PHACTR1: variants seen among roughly 807,000 people sequenced by gnomAD.
PHACTR1 encodes the protein phosphatase and actin regulator 1.
A neutral mutation model predicts 69.2 loss-of-function variants in PHACTR1; 16 were observed. The ratio of observed to expected loss-of-function variants is 0.23; its 90% CI spans 0.16 to 0.35. The LOEUF is 0.35. Ranked by LOEUF, PHACTR1 falls within the 10% of genes least tolerant of loss-of-function variation. PHACTR1 has a pLI of 1.00. For missense variants in PHACTR1, 510 were observed against 734.7 expected, an observed-to-expected ratio of 0.69 and a Z score of 3.54; for synonymous variants, 312 against 284.5, an observed-to-expected ratio of 1.10 and a Z score of -0.97.
intron 8 of PHACTR1, among the ~76,000 whole-genome samples, chr6:13,221,089 G>T (rs1309001234): frequency 1.3e-5 from 2 of 152,190 alleles, no homozygotes; most frequent in African/African-American, 4.8e-5. Flanking sequence ...TGAGATTTGA[G>T]TCATCCCTGA....
intron 4 of PHACTR1, among the ~76,000 whole-genome samples, chr6:13,053,016 C>CT (rs11370468): frequency 0.012 from 1,875 of 152,248 alleles, 36 homozygotes; most frequent in African/African-American, 0.043. Flanking sequence ...GAGAAATTGC[C>CT]GGACCAGTAG....
At position 13,125,272 on chromosome 6, in the gene PHACTR1, G is replaced by A. The variant is rs145318159; in HGVS notation, c.416-34932G>A. 1.6e-3 allele frequency among the ~76,000 whole-genome samples: 250 copies of A among 152,260 alleles called. 2 individuals carry two copies. The highest frequency in any genetic ancestry group is 3.0e-3 in the Non-Finnish European group (206 of 68,014). On this transcript the variant is annotated intron_variant, in intron 5 of 14. Coordinates refer to ENST00000332995, the MANE Select transcript of PHACTR1 (RefSeq NM_030948.6). ...GGCAGTCTTAGATGGTTTTAGAAGG[G>A]ATTTTTCCTGAAAATTCTCAAATAT...
chr6:13,126,182 T>C (rs1819510600), intron 5 of PHACTR1, among the ~76,000 whole-genome samples: 1 of 152,214 alleles, frequency 6.6e-6, no homozygotes, highest in South Asian at 2.1e-4. Context: ...TGAGTGTGTG[T>C]AAATTAGAAT....
intron 3 of PHACTR1, among the ~76,000 whole-genome samples, chr6:12,733,441 G>A (rs1228053029): frequency 1.3e-5 from 2 of 152,124 alleles, no homozygotes; most frequent in Admixed American, 6.5e-5. Flanking sequence ...AAAACTGACC[G>A]AATACCACAC....
At chr6:12,834,285 A>G (rs758591107) in intron 4 of PHACTR1, among the ~76,000 whole-genome samples, 37 of 152,180 alleles carry the variant, frequency 2.4e-4, no homozygotes, top group Non-Finnish European at 1.8e-4. Flanking sequence ...TGGCTGAAGT[A>G]ATTGTATTTT....
chr6:12,764,768 T>G (rs1581647584), intron 4 of PHACTR1, among the ~76,000 whole-genome samples: 1 of 146,408 alleles, frequency 6.8e-6, no homozygotes, highest in Admixed American at 6.9e-5. Context: ...GAAGTGGGGC[T>G]CCCACCGATT....
chr6:13,007,518 C>A (rs1186546927), intron 4 of PHACTR1, among the ~76,000 whole-genome samples: 1 of 152,066 alleles, frequency 6.6e-6, no homozygotes, highest in Non-Finnish European at 1.5e-5. Context: ...AAGAGTCTTC[C>A]TTGGATATTA....
intron 4 of PHACTR1, among the ~76,000 whole-genome samples, chr6:12,853,754 G>T (rs369238268): frequency 4.5e-4 from 68 of 152,280 alleles, no homozygotes; most frequent in African/African-American, 1.6e-3. Context: ...ACTATCATGA[G>T]AACAGGATGG....
At position 13,138,270 on chromosome 6, in the gene PHACTR1, G is replaced by A. The variant is rs1370384935; in HGVS notation, c.416-21934G>A. Among the ~76,000 whole-genome samples, 8 of 152,296 alleles carry A rather than the reference G, an allele frequency of 5.3e-5. No individual in the cohort carries two copies. The South Asian group carries it at 1.5e-3, about 28-fold the overall frequency. ...CTTCTCAATGATTACATGTCAAAGA[G>A]ATGGCTCCCAGGTCTCTGGAAAGAC... is the stretch of plus-strand genomic sequence containing the variant. On this transcript the variant is annotated intron_variant, in intron 5 of 14. Coordinates refer to ENST00000332995, the MANE Select transcript of PHACTR1 (RefSeq NM_030948.6).
chr6:13,249,849 T>TGG (rs1774134000), intron 10 of PHACTR1, among the ~76,000 whole-genome samples: 1 of 152,040 alleles, frequency 6.6e-6, no homozygotes, highest in Non-Finnish European at 1.5e-5. Flanking sequence ...CCTATTTCAT[T>TGG]TTTCATTGGG....
At chr6:12,900,148 C>A (rs377417802) in intron 4 of PHACTR1, among the ~76,000 whole-genome samples, 2 of 152,212 alleles carry the variant, frequency 1.3e-5, no homozygotes, top group Non-Finnish European at 2.9e-5. Context: ...TTCTTCAAAC[C>A]ACTTGTTCTT....
intron 4 of PHACTR1, among the ~76,000 whole-genome samples, chr6:12,819,483 G>T (rs916595313): frequency 6.6e-6 from 1 of 152,070 alleles, no homozygotes; most frequent in South Asian, 2.1e-4. Flanking sequence ...AGTAAGGTAG[G>T]AGTTAGGAAA....
chr6:12,976,381 T>C (rs542455058), intron 4 of PHACTR1, among the ~76,000 whole-genome samples: 6 of 152,198 alleles, frequency 3.9e-5, no homozygotes, highest in Non-Finnish European at 8.8e-5. Context: ...AAAGGGACTT[T>C]GTAGAGCATC....
intron 3 of PHACTR1, among the ~76,000 whole-genome samples, chr6:12,728,536 G>C (rs1763086826): frequency 6.6e-6 from 1 of 152,002 alleles, no homozygotes; most frequent in South Asian, 2.1e-4. Context: ...GAGTTCAAAG[G>C]ATGATTTTCA....
intron 5 of PHACTR1, among the ~76,000 whole-genome samples, chr6:13,139,977 G>A (rs1822176973): frequency 6.6e-6 from 1 of 152,096 alleles, no homozygotes; most frequent in Non-Finnish European, 1.5e-5. Context: ...TATTGTTTCT[G>A]TGCTCTGAGG....
At chr6:13,077,332 A>G (rs1458402134) in intron 5 of PHACTR1, among the ~76,000 whole-genome samples, 1 of 152,164 alleles carries the variant, frequency 6.6e-6, no homozygotes, top group Non-Finnish European at 1.5e-5. Context: ...TGCCAAGCTC[A>G]TATCTCAGTG....
rs564792853 is a variant in PHACTR1 at position 12,925,863 on chromosome 6, T to A, written c.251-127502T>A. Among the ~76,000 whole-genome samples, 8 of 152,156 alleles carry A rather than the reference T, an allele frequency of 5.3e-5. No individual in the cohort carries two copies. The East Asian group carries it at 5.8e-4, about 11-fold the overall frequency. ...CCAAAGCAGAAATAGGAAAAAAAAA[T>A]TTCAGGGGCCTGTCTCTCGTGTATC... On this transcript the variant is annotated intron_variant, in intron 4 of 14. Transcript: ENST00000332995.
chr6:12,864,965 C>T (rs1020243427), intron 4 of PHACTR1, among the ~76,000 whole-genome samples: 18 of 152,206 alleles, frequency 1.2e-4, no homozygotes, highest in Admixed American at 1.1e-3. Flanking sequence ...GCTATCTACA[C>T]AACTAAGTGT....
rs369183133 is a variant in PHACTR1 at position 13,053,336 on chromosome 6, G to A, written c.251-29G>A. 64 of 1,570,124 alleles carry A rather than the reference G, an allele frequency of 4.1e-5. No individual in the cohort carries two copies. The Middle Eastern group carries it at 6.8e-4, about 17-fold the overall frequency. On this transcript the variant is annotated intron_variant, in intron 4 of 14. Coordinates refer to ENST00000332995, the MANE Select transcript of PHACTR1 (RefSeq NM_030948.6). ...ATTTTAACACTTTTTTTCTCTCTTT[G>A]TTTTCATCTCTTTCTTGGAAATAAC...
Sources: allele counts gnomAD v4.1 joint callset (sites outside exome capture counted in the v4.1 genomes callset), GRCh38; gene constraint gnomAD v4.1.1; transcripts MANE v1.5; gene names NCBI Gene and HGNC (gene_info 2026-07-23, HGNC 2026-07-21).